EIF4E2: variants seen among roughly 807,000 people sequenced by gnomAD.
The protein encoded by EIF4E2 is eukaryotic translation initiation factor 4E family member 2.
In EIF4E2, 13 loss-of-function variants were observed where a neutral mutation model predicts 34.2. The observed-to-expected ratio is 0.38, with a 90% CI of 0.25 to 0.60. The LOEUF is 0.60. Ranked by LOEUF, EIF4E2 falls within the 20% of genes least tolerant of loss-of-function variation. The pLI, the probability that EIF4E2 is intolerant of heterozygous loss-of-function variation, is 0.62. For synonymous variants in EIF4E2, 100 were observed against 106.6 expected (o/e 0.94, Z 0.38); for missense variants, 222 against 315.1 (o/e 0.70, Z 2.24).
chr2:232,551,344 G>C, intron 1 of EIF4E2: 4 of 467,264 alleles, frequency 8.6e-6, no homozygotes, highest in South Asian at 6.2e-5. Flanking sequence ...CAAGACCTAA[G>C]TATACTTGTT....
chr2:232,576,118 C>T (rs1693212005), intron 6 of EIF4E2, among the ~76,000 whole-genome samples: 1 of 151,910 alleles, frequency 6.6e-6, no homozygotes, highest in Non-Finnish European at 1.5e-5. Context: ...GCAGGAGAAT[C>T]GCTTGAACTC....
chr2:232,556,555 G>A (rs770724027), intron 2 of EIF4E2, 25 bp downstream of exon 2: 1 of 1,504,854 alleles, frequency 6.6e-7, no homozygotes, highest in Non-Finnish European at 9.0e-7. Context: ...CACAGATGTA[G>A]TTGCCTTTGA....
At chr2:232,552,011 C>T (rs1462850477) in intron 1 of EIF4E2, among the ~76,000 whole-genome samples, 1 of 152,174 alleles carries the variant, frequency 6.6e-6, no homozygotes, top group Non-Finnish European at 1.5e-5. Flanking sequence ...CCTGCAACAA[C>T]TAGCTCCAGA....
chr2:232,555,619 T>C (rs1692491315), intron 1 of EIF4E2, among the ~76,000 whole-genome samples: 1 of 152,052 alleles, frequency 6.6e-6, no homozygotes, highest in Admixed American at 6.5e-5. Context: ...GATACCGAGA[T>C]GAAATAAGAC....
Position 232,554,265 on chromosome 2 carries a change from G to A in EIF4E2, c.21-2151G>A, listed in dbSNP as rs570260221. ...CTGTAGGACAAGTTAACTAGGCAAA[G>A]AAGGACTTCTTGAGGAGAGACCACA... On this transcript the variant is annotated intron_variant, in intron 1 of 6. Coordinates refer to ENST00000258416, the MANE Select transcript of EIF4E2 (RefSeq NM_004846.4). Among the ~76,000 whole-genome samples the A allele has an allele frequency of 5.3e-5, 8 of 152,328 alleles. No homozygotes were observed. The East Asian group carries it at 5.8e-4, about 11-fold the overall frequency.
Position 232,557,950 on chromosome 2 carries a change from A to G in EIF4E2, c.202A>G (p.Thr68Ala). ...YNYTFWYSRR[T>A]PGRPTSSQSY... Reference sequence around the variant, plus strand: ...CTACACTTTTTGGTACTCCAGGAGAACCCCCGGCCGTCCCACGAGCTCACA... The same window carrying G: ...CTACACTTTTTGGTACTCCAGGAGAGCCCCCGGCCGTCCCACGAGCTCACA... Residue 68 changes from threonine to alanine, a missense_variant, in exon 3 of 7, where the codon ACC becomes GCC. Thr to Ala is a moderately conservative substitution (Grantham distance 58). Transcript: ENST00000258416. 3 of 1,614,052 alleles carry G rather than the reference A, an allele frequency of 1.9e-6. No individual in the cohort carries two copies. The highest frequency in any genetic ancestry group is 2.5e-6 in the Non-Finnish European group (3 of 1,179,994).
intron 3 of EIF4E2, among the ~76,000 whole-genome samples, chr2:232,559,189 A>G (rs1030758878): frequency 6.6e-6 from 1 of 150,922 alleles, no homozygotes; most frequent in African/African-American, 2.4e-5. Context: ...AACCTGCACA[A>G]TGTGCACATG....
At chr2:232,564,780 C>T (rs1228243200) in intron 4 of EIF4E2, among the ~76,000 whole-genome samples, 1 of 152,210 alleles carries the variant, frequency 6.6e-6, no homozygotes, top group East Asian at 1.9e-4. Flanking sequence ...TCTCTCAAAA[C>T]TGCATCACTC....
At chr2:232,582,670 A>T (rs1407208301) in exon 7 of EIF4E2, 2 of 152,104 alleles carry the variant, frequency 1.3e-5, no homozygotes, top group Admixed American at 6.5e-5. Context: ...AAGAGAGCAG[A>T]TATTTGGATT....
At position 232,555,349 on chromosome 2, in the gene EIF4E2, T is replaced by C. The variant is rs531931978; in HGVS notation, c.21-1067T>C. ...ATTAATGGTCCAGCCCTAAAATAAA[T>C]GGCTTTCTTATTGTCTTTGCAAACT... On this transcript the variant is annotated intron_variant, in intron 1 of 6. Coordinates refer to ENST00000258416, the MANE Select transcript of EIF4E2 (RefSeq NM_004846.4). Among the ~76,000 whole-genome samples the C allele has an allele frequency of 1.5e-3, 227 of 152,330 alleles. 1 individual carries two copies. The highest frequency in any genetic ancestry group is 6.9e-3 in the Admixed American group (105 of 15,300).
chr2:232,583,354 C>T (rs1319032962), exon 7 of EIF4E2: 1 of 153,712 alleles, frequency 6.5e-6, no homozygotes, highest in African/African-American at 2.4e-5. Flanking sequence ...CTACTCCTCT[C>T]CAGCCCTTTA....
intron 6 of EIF4E2, among the ~76,000 whole-genome samples, chr2:232,577,312 C>T (rs1302142303): frequency 6.6e-6 from 1 of 152,130 alleles, no homozygotes; most frequent in African/African-American, 2.4e-5. Flanking sequence ...CTACGGGACC[C>T]CTCAGAGCCA....
chr2:232,555,172 A>G (rs762176051), intron 1 of EIF4E2, among the ~76,000 whole-genome samples: 9 of 152,218 alleles, frequency 5.9e-5, no homozygotes, highest in Admixed American at 3.3e-4. Context: ...AATACAAAGT[A>G]CCCTGCAACA....
At position 232,581,512 on chromosome 2, in the gene EIF4E2, C is replaced by G. The variant is rs1458615257; in HGVS notation, c.*569C>G. 1 of 231,286 alleles carries G rather than the reference C, an allele frequency of 4.3e-6. No homozygotes were observed. The highest frequency in any genetic ancestry group is 1.3e-4 in the East Asian group (1 of 7,710). The allele number at this position is 231,286 out of a possible 1,614,324, so 14.3% of individuals were successfully genotyped here. On this transcript the variant is annotated 3_prime_UTR_variant, in exon 7 of 7. Transcript: ENST00000409098. This position sits in a 1 kb window ranked among gnomAD's most constrained non-coding sequence, Gnocchi z 5.2. ...ATGACTGTCCAGGATTTTGTATCAT[C>G]CCCTGCCTTATGCCCTCCGGTCTCC...
At chr2:232,582,465 G>A (rs1049360886) in exon 7 of EIF4E2, 2 of 152,186 alleles carry the variant, frequency 1.3e-5, no homozygotes, top group Non-Finnish European at 2.9e-5. Context: ...TACAGGGCAA[G>A]TTAGATCAGA....
At position 232,566,482 on chromosome 2, in the gene EIF4E2, G is replaced by A. The variant is rs1283169521; in HGVS notation, c.376-347G>A. 2.0e-5 allele frequency among the ~76,000 whole-genome samples: 3 copies of A among 152,234 alleles called. No homozygotes were observed. Among genetic ancestry groups the A allele is most frequent in the East Asian group, 1.9e-4 (1 of 5,196 alleles). ...TGGGATTACGGGCGTGAGCCACTGCGCCCAGCAGACATTCAGTACTTTTAG... is the reference window on the plus strand; with the variant it reads ...TGGGATTACGGGCGTGAGCCACTGCACCCAGCAGACATTCAGTACTTTTAG... On this transcript the variant is annotated intron_variant, in intron 4 of 6. Transcript: ENST00000258416. This position sits in a 1 kb window ranked among gnomAD's most constrained non-coding sequence, Gnocchi z 4.9.
chr2:232,575,240 C>G (rs796926055), intron 6 of EIF4E2, among the ~76,000 whole-genome samples: 3 of 84,356 alleles, frequency 3.6e-5, no homozygotes, highest in African/African-American at 1.2e-4. Flanking sequence ...ACCTGCATCC[C>G]TCCCGTGGGC....
chr2:232,567,503 C>T, intron 6 of EIF4E2: 1 of 1,252,204 alleles, frequency 8.0e-7, no homozygotes, highest in Non-Finnish European at 1.0e-6. Flanking sequence ...CATATGCTAA[C>T]CACTATCTTA....
Position 232,566,903 on chromosome 2 carries a change from T to A in EIF4E2, c.450T>A (p.Asn150Lys). Residue 150 changes from asparagine (N) to lysine (K), a missense_variant, in exon 5 of 7, where the codon AAT (asparagine) becomes AAA (lysine). By Grantham distance (94) the Asn-to-Lys change is moderately conservative. Transcript: ENST00000258416. The surrounding 1 kb of genome is among the most constrained non-coding windows in gnomAD (Gnocchi z 4.9). Reference sequence around the variant, plus strand: ...GCTTGGCCTCCCGTTGCTGGGAGAATCTCATTTTGGCCATGCTGGGGGAAC... The same window carrying A: ...GCTTGGCCTCCCGTTGCTGGGAGAAACTCATTTTGGCCATGCTGGGGGAAC... Reference protein sequence around the residue: ...RKGLASRCWENLILAMLGEQF... With the variant: ...RKGLASRCWEKLILAMLGEQF... The A allele has an allele frequency of 8.7e-6, 14 of 1,613,252 alleles. No individual in the cohort carries two copies. Among genetic ancestry groups the A allele is most frequent in the Non-Finnish European group, 1.2e-5 (14 of 1,179,708 alleles).
Sources: gnomAD v4.1 joint callset for allele counts (sites outside exome capture counted in the v4.1 genomes callset) on GRCh38, gnomAD v4.1.1 for gene constraint, Gnocchi (gnomAD v3.1) non-coding constraint, MANE v1.5 for transcripts, NCBI Gene and HGNC (gene_info 2026-07-23, HGNC 2026-07-21) for gene names.